C10orf90: variants seen among roughly 807,000 people sequenced by gnomAD.
C10orf90 encodes (E2-independent) E3 ubiquitin-conjugating enzyme FATS.
A neutral mutation model predicts 62.5 loss-of-function variants in C10orf90; 56 were observed. The observed-to-expected ratio is 0.90, with a 90% CI of 0.72 to 1.12. The LOEUF (loss-of-function observed/expected upper bound fraction) is 1.12, where lower values mean the gene tolerates loss of function less well. Ranked by LOEUF, C10orf90 falls within the 50% of genes most tolerant of loss-of-function variation. C10orf90 has a pLI of 0.00. For synonymous variants in C10orf90, 386 were observed against 340.4 expected, an observed-to-expected ratio of 1.13 and a Z score of -1.47; for missense variants, 970 against 880.4, an observed-to-expected ratio of 1.10 and a Z score of -1.29.
At chr10:126,621,898 C>T (rs1442167837) in intron 2 of C10orf90, among the ~76,000 whole-genome samples, 2 of 152,186 alleles carry the variant, frequency 1.3e-5, no homozygotes, top group African/African-American at 4.8e-5. Context: ...ACTGCACTCT[C>T]TCTTGTTTCA....
intron 1 of C10orf90, among the ~76,000 whole-genome samples, chr10:126,662,127 T>C (rs1232959990): frequency 6.6e-6 from 1 of 151,980 alleles, no homozygotes; most frequent in Non-Finnish European, 1.5e-5. Context: ...GTTTGCCAGC[T>C]AAACCACTTG....
At chr10:126,441,431 A>G (rs187679725) in intron 7 of C10orf90, among the ~76,000 whole-genome samples, 5 of 152,286 alleles carry the variant, frequency 3.3e-5, no homozygotes, top group African/African-American at 1.2e-4. Flanking sequence ...CTGAGGAAGA[A>G]GAGAAATCTA....
At chr10:126,612,720 C>T (rs1271922121) in intron 2 of C10orf90, among the ~76,000 whole-genome samples, 3 of 152,186 alleles carry the variant, frequency 2.0e-5, no homozygotes, top group Non-Finnish European at 4.4e-5. Flanking sequence ...GGTTCAACTA[C>T]CCAAACCTGG....
At chr10:126,455,644 A>G (rs1390772695) in intron 7 of C10orf90, among the ~76,000 whole-genome samples, 1 of 152,164 alleles carries the variant, frequency 6.6e-6, no homozygotes, top group Non-Finnish European at 1.5e-5. Flanking sequence ...CATTGTATTT[A>G]TTGGCTCTGA....
At chr10:126,582,233 CA>C (rs1844767425) in intron 2 of C10orf90, among the ~76,000 whole-genome samples, 1 of 152,214 alleles carries the variant, frequency 6.6e-6, no homozygotes, top group Non-Finnish European at 1.5e-5. Flanking sequence ...TAGTACAGCA[CA>C]CCTGTGCTGA....
chr10:126,609,351 C>T (rs1055462029), intron 2 of C10orf90, among the ~76,000 whole-genome samples: 5 of 152,172 alleles, frequency 3.3e-5, no homozygotes, highest in Admixed American at 6.5e-5. Context: ...TGCAGTGAGC[C>T]GAGATCGCGC....
intron 2 of C10orf90, among the ~76,000 whole-genome samples, chr10:126,580,747 T>A (rs1379254504): frequency 6.6e-6 from 1 of 151,302 alleles, no homozygotes; most frequent in Non-Finnish European, 1.5e-5. Context: ...TGTTTGTGTG[T>A]GTGCATGCAT....
intron 4 of C10orf90, among the ~76,000 whole-genome samples, chr10:126,481,938 G>A (rs996278737): frequency 1.3e-5 from 2 of 152,184 alleles, no homozygotes; most frequent in Non-Finnish European, 2.9e-5. Context: ...TCATTCCAGA[G>A]GGGTTCTTAC....
At position 126,425,842 on chromosome 10, in the gene C10orf90, T is replaced by C. The variant is rs1200534349; in HGVS notation, c.*22A>G. On this transcript the variant is annotated 3_prime_UTR_variant, in exon 10 of 10. Coordinates refer to ENST00000488181, the MANE Select transcript of C10orf90 (RefSeq NM_001350921.2). The stretch of plus-strand genomic sequence containing the variant: ...GAAGTCCTCCCAGGTCCAGGTAGTG[T>C]GGTCAGCAGGGCAGCCTGTGGTTAG... 1.2e-6 allele frequency: 2 copies of C among 1,612,240 alleles called. No individual in the cohort carries two copies. Among genetic ancestry groups the C allele is most frequent in the Admixed American group, 1.7e-5 (1 of 59,740 alleles).
At chr10:126,558,767 G>A (rs186446399) in intron 2 of C10orf90, among the ~76,000 whole-genome samples, 1 of 152,204 alleles carries the variant, frequency 6.6e-6, no homozygotes, top group Non-Finnish European at 1.5e-5. Flanking sequence ...TAACCCACTA[G>A]TAATGTGTCT....
chr10:126,611,286 T>A (rs1444710113), intron 2 of C10orf90, among the ~76,000 whole-genome samples: 1 of 152,230 alleles, frequency 6.6e-6, no homozygotes, highest in Non-Finnish European at 1.5e-5. Flanking sequence ...TCCCTTAGCA[T>A]AATGTACTCA....
rs1861542589 is a variant in C10orf90, at chr10:126,488,240, A to G, written c.1534+15717T>C. On this transcript the variant is annotated intron_variant, in intron 4 of 9. Transcript: ENST00000488181. ...TAGCAAAGTTTTGCAAAAATGTAGT[A>G]ATCAGCATCTTGCCCTAAAGGATAT... Among the ~76,000 whole-genome samples the G allele has an allele frequency of 2.6e-5, 4 of 152,132 alleles. No homozygotes were observed. The South Asian group carries it at 8.3e-4, about 31-fold the overall frequency.
At chr10:126,518,051 C>A (rs1249636054) in intron 2 of C10orf90, among the ~76,000 whole-genome samples, 1 of 58,282 alleles carries the variant, frequency 1.7e-5, no homozygotes, top group Non-Finnish European at 3.0e-5. Context: ...GTTTCCCTCA[C>A]TCTTGTATGT....
chr10:126,493,501 C>T (rs1188151689), intron 4 of C10orf90, among the ~76,000 whole-genome samples: 1 of 151,936 alleles, frequency 6.6e-6, no homozygotes, highest in Non-Finnish European at 1.5e-5. Context: ...GCTGGGATTA[C>T]AGGTGCCTGC....
intron 2 of C10orf90, among the ~76,000 whole-genome samples, chr10:126,514,539 C>A (rs1863324880): frequency 6.6e-6 from 1 of 152,172 alleles, no homozygotes; most frequent in Non-Finnish European, 1.5e-5. Flanking sequence ...AGCAGTAGAC[C>A]AAGAACTGGA....
intron 7 of C10orf90, among the ~76,000 whole-genome samples, chr10:126,436,666 A>C (rs998845167): frequency 1.7e-4 from 26 of 152,142 alleles, no homozygotes; most frequent in African/African-American, 6.0e-4. Flanking sequence ...ATTTTTTAAA[A>C]ACTTTTCTTT....
intron 2 of C10orf90, among the ~76,000 whole-genome samples, chr10:126,584,558 C>T (rs1844821404): frequency 6.6e-6 from 1 of 152,098 alleles, no homozygotes; most frequent in Non-Finnish European, 1.5e-5. Flanking sequence ...CCTGGTATTT[C>T]ATTTGGAAAT....
intron 2 of C10orf90, among the ~76,000 whole-genome samples, chr10:126,542,345 ATAC>A (rs1864393928): frequency 1.3e-5 from 2 of 152,130 alleles, no homozygotes; most frequent in Admixed American, 1.3e-4. Context: ...TCTACTAAAA[ATAC>A]AAAAATTAGC....
chr10:126,439,240 C>T (rs1253142434), intron 7 of C10orf90, among the ~76,000 whole-genome samples: 2 of 152,132 alleles, frequency 1.3e-5, no homozygotes, highest in Admixed American at 6.5e-5. Flanking sequence ...GACAGCTATG[C>T]CTCTGCACCC....
Sources: allele counts gnomAD v4.1 joint callset (sites outside exome capture counted in the v4.1 genomes callset), GRCh38; gene constraint gnomAD v4.1.1; transcripts MANE v1.5; gene names NCBI Gene and HGNC (gene_info 2026-07-23, HGNC 2026-07-21).